Variants in LARGE1 observed in about 807,000 individuals in gnomAD.
LARGE1 encodes the protein xylosyl- and glucuronyltransferase LARGE1.
Under a neutral mutation model 87.6 loss-of-function variants are expected in LARGE1, and 43 were observed. The ratio of observed to expected loss-of-function variants is 0.49; its 90% CI spans 0.38 to 0.63. The LOEUF (loss-of-function observed/expected upper bound fraction) is 0.63. Ranked by LOEUF, LARGE1 falls within the 30% of genes least tolerant of loss-of-function variation. LARGE1 has a pLI of 0.00. For missense variants in LARGE1, 802 were observed against 1,000.2 expected, an observed-to-expected ratio of 0.80 and a Z score of 2.67; for synonymous variants, 434 against 394.6, an observed-to-expected ratio of 1.10 and a Z score of -1.18.
chr22:33,721,842 T>C (rs1003090527), intron 2 of LARGE1, among the ~76,000 whole-genome samples: 1 of 152,248 alleles, frequency 6.6e-6, no homozygotes, highest in Non-Finnish European at 1.5e-5. Context: ...AAAAGCCTTA[T>C]GTACAACCCC....
chr22:33,649,109 T>C (rs1019610441), intron 3 of LARGE1, among the ~76,000 whole-genome samples: 2 of 152,202 alleles, frequency 1.3e-5, no homozygotes, highest in Non-Finnish European at 2.9e-5. Flanking sequence ...TTGGACATCC[T>C]CTGTCGGATG....
intron 11 of LARGE1, among the ~76,000 whole-genome samples, chr22:33,315,032 ACT>A (rs978583276): frequency 1.1e-4 from 16 of 151,972 alleles, no homozygotes; most frequent in African/African-American, 3.6e-4. Context: ...ACACGATGAA[ACT>A]CTGTCTCTAC....
chr22:33,811,398 C>T (rs1372757429), intron 1 of LARGE1, among the ~76,000 whole-genome samples: 2 of 152,184 alleles, frequency 1.3e-5, no homozygotes, highest in African/African-American at 4.8e-5. Context: ...AGAATTTCCA[C>T]TACACTAAAG....
chr22:33,667,635 T>C (rs747696316), intron 2 of LARGE1, among the ~76,000 whole-genome samples: 1 of 152,324 alleles, frequency 6.6e-6, no homozygotes, highest in Admixed American at 6.5e-5. Flanking sequence ...ATATAAATTA[T>C]TAACTCTGGG....
chr22:33,462,927 TCA>T (rs1420415078), intron 6 of LARGE1, among the ~76,000 whole-genome samples: 2 of 152,224 alleles, frequency 1.3e-5, no homozygotes, highest in Non-Finnish European at 2.9e-5. Flanking sequence ...TTCTAACGTC[TCA>T]CACTGTGTTG....
intron 2 of LARGE1, among the ~76,000 whole-genome samples, chr22:33,723,233 T>C (rs528005803): frequency 1.3e-5 from 2 of 152,290 alleles, no homozygotes; most frequent in South Asian, 4.1e-4. Context: ...TATGAAGCTC[T>C]CGTTAAAAAG....
chr22:33,116,653 G>T, the LARGE1 span, among the ~76,000 whole-genome samples: 1 of 151,944 alleles, frequency 6.6e-6, no homozygotes, highest in Non-Finnish European at 1.5e-5. Flanking sequence ...GTGAGCCACC[G>T]CGCCCAGCTC....
chr22:33,166,721 C>T (rs1383359411), exon 12 of LARGE1: 2 of 470,720 alleles, frequency 4.2e-6, no homozygotes, highest in Non-Finnish European at 8.8e-6. Context: ...TCATGAAGAA[C>T]AGTACCCAAG....
At chr22:33,457,345 T>C (rs2068180121) in intron 6 of LARGE1, among the ~76,000 whole-genome samples, 1 of 131,378 alleles carries the variant, frequency 7.6e-6, no homozygotes, top group Non-Finnish European at 1.6e-5. Flanking sequence ...AGAGACGGGG[T>C]TACACCATGT....
At chr22:33,687,710 C>T (rs556132123) in intron 2 of LARGE1, among the ~76,000 whole-genome samples, 2 of 152,076 alleles carry the variant, frequency 1.3e-5, no homozygotes, top group East Asian at 3.9e-4. Flanking sequence ...GGAAGAGGAG[C>T]GCTCGGGACC....
the LARGE1 span, among the ~76,000 whole-genome samples, chr22:33,077,807 A>G: frequency 6.6e-6 from 1 of 152,208 alleles, no homozygotes; most frequent in Non-Finnish European, 1.5e-5. Context: ...GGTGCAGTTT[A>G]AGGTTCATTT....
chr22:33,776,172 A>C (rs1165067056), intron 1 of LARGE1, among the ~76,000 whole-genome samples: 10 of 152,200 alleles, frequency 6.6e-5, no homozygotes, highest in Non-Finnish European at 2.9e-5. Context: ...AGTGAAGTGC[A>C]CTGATCTGCA....
intron 12 of LARGE1, 87 bp from the exon 13 acceptor site, chr22:33,283,435 C>G: frequency 6.8e-7 from 1 of 1,471,750 alleles, no homozygotes; most frequent in East Asian, 2.3e-5. Flanking sequence ...GGTCATTGGC[C>G]CGGGGAAGTG....
At chr22:33,251,935 T>C (rs1266334429) in intron 11 of LARGE1, among the ~76,000 whole-genome samples, 4 of 152,198 alleles carry the variant, frequency 2.6e-5, no homozygotes, top group African/African-American at 9.7e-5. Context: ...CTCCATCTGG[T>C]CCATAAGCTA....
At chr22:33,826,504 G>A (rs113914594) in intron 1 of LARGE1, among the ~76,000 whole-genome samples, 7 of 151,980 alleles carry the variant, frequency 4.6e-5, no homozygotes, top group African/African-American at 1.2e-4. Flanking sequence ...CACCGCACCC[G>A]GCTAATTTTT....
chr22:33,765,103 A>ATTC (rs2084859351), intron 1 of LARGE1, among the ~76,000 whole-genome samples: 1 of 152,212 alleles, frequency 6.6e-6, no homozygotes, highest in African/African-American at 2.4e-5. Context: ...CTGCTTATGT[A>ATTC]ATTCTCAAAA....
At chr22:33,434,841 C>A (rs1369469999) in intron 6 of LARGE1, among the ~76,000 whole-genome samples, 5 of 152,122 alleles carry the variant, frequency 3.3e-5, no homozygotes, top group African/African-American at 9.7e-5. Flanking sequence ...TTGCCCTTGC[C>A]CCCCCTGCCA....
At chr22:33,080,167 A>G in the LARGE1 span, among the ~76,000 whole-genome samples, 5 of 152,204 alleles carry the variant, frequency 3.3e-5, no homozygotes, top group African/African-American at 1.2e-4. Flanking sequence ...TTCGACATTC[A>G]CTGAGTAATA....
chr22:33,607,320 G>C (rs2079292958), intron 4 of LARGE1, among the ~76,000 whole-genome samples: 1 of 152,064 alleles, frequency 6.6e-6, no homozygotes, highest in African/African-American at 2.4e-5. Flanking sequence ...AATTAGCCAG[G>C]CGTGGTGGCA....
Sources: allele counts gnomAD v4.1 joint callset (sites outside exome capture counted in the v4.1 genomes callset), GRCh38; gene constraint gnomAD v4.1.1; transcripts MANE v1.5; gene names NCBI Gene and HGNC (gene_info 2026-07-23, HGNC 2026-07-21).